Variants in TRARG1 observed in about 807,000 individuals in gnomAD.
The protein encoded by TRARG1 is trafficking regulator of GLUT4 1.
A neutral mutation model predicts 13.3 loss-of-function variants in TRARG1; 16 were observed. That is an observed-to-expected ratio of 1.20 (90% CI 0.81 to 1.83). TRARG1 has a LOEUF of 1.83. TRARG1 is among the 40% of genes most tolerant of loss of function. The pLI, the probability that TRARG1 is intolerant of heterozygous loss-of-function variation, is 0.00. For synonymous variants in TRARG1, 113 were observed against 106.2 expected, an observed-to-expected ratio of 1.06 and a Z score of -0.39; for missense variants, 250 against 237.4, an observed-to-expected ratio of 1.05 and a Z score of -0.35.
At chr17:1,293,232 C>G (rs113689916) in intron 1 of TRARG1, among the ~76,000 whole-genome samples, 1 of 142,362 alleles carries the variant, frequency 7.0e-6, no homozygotes, top group Admixed American at 7.5e-5. Context: ...TGCAGTGAAC[C>G]GAGATTGCGC....
In TRARG1 at chr17:1,300,231, G is replaced by C. The variant is rs1464918693; in HGVS notation, c.*1967G>C. The stretch of plus-strand genomic sequence containing the variant: ...GGTCGATGGAACTGGCCACGCACAG[G>C]CTCTGGCTCTGGAAGGAGGGATGAT... On this transcript the variant is annotated 3_prime_UTR_variant, in exon 3 of 3. Coordinates refer to ENST00000333813, the MANE Select transcript of TRARG1 (RefSeq NM_172367.3). The C allele has an allele frequency of 1.3e-5, 2 of 152,310 alleles. No homozygotes were observed. The highest frequency in any genetic ancestry group is 1.9e-4 in the East Asian group (1 of 5,196). The allele number at this position is 152,310 out of a possible 1,614,324, so 9.4% of individuals were successfully genotyped here.
At chr17:1,285,426 G>A (rs569845361) in intron 1 of TRARG1, among the ~76,000 whole-genome samples, 2 of 148,440 alleles carry the variant, frequency 1.3e-5, no homozygotes, top group Non-Finnish European at 3.0e-5. Flanking sequence ...ATTAAAGAGG[G>A]CTGGGCTCAG....
intron 1 of TRARG1, among the ~76,000 whole-genome samples, chr17:1,288,399 A>AG (rs2072040424): frequency 1.0e-4 from 2 of 19,260 alleles, no homozygotes; most frequent in Non-Finnish European, 1.6e-4. Flanking sequence ...CATCCCCCAC[A>AG]GGTTCCCCAA....
intron 1 of TRARG1, among the ~76,000 whole-genome samples, chr17:1,282,305 C>CAT (rs757719241): frequency 0.011 from 1,716 of 149,658 alleles, 30 homozygotes; most frequent in Middle Eastern, 0.035. Context: ...CGTATATGTA[C>CAT]ATATGCGTAT....
At position 1,282,015 on chromosome 17, in the gene TRARG1, CATAT is replaced by C. The variant is rs1222505887; in HGVS notation, c.387+1629_387+1632del. Among the ~76,000 whole-genome samples the C allele has an allele frequency of 4.9e-3, 728 of 147,252 alleles. 11 individuals carry two copies. The highest frequency in any genetic ancestry group is 0.017 in the African/African-American group (687 of 40,382). On this transcript the variant is annotated intron_variant, in intron 1 of 2. Coordinates refer to ENST00000333813, the MANE Select transcript of TRARG1 (RefSeq NM_172367.3). ...ATATATACAGATATACACATATGTA[CATAT>C]ACATATGTACATATATACACACATA... is the stretch of plus-strand genomic sequence containing the variant.
intron 1 of TRARG1, among the ~76,000 whole-genome samples, chr17:1,281,973 C>T (rs8080198): frequency 0.56 from 85,184 of 151,338 alleles, 24,760 homozygotes; most frequent in East Asian, 0.71. Flanking sequence ...TATATGCACA[C>T]GTGTACATAT....
chr17:1,281,074 G>C (rs1355173493), intron 1 of TRARG1, among the ~76,000 whole-genome samples: 1 of 152,190 alleles, frequency 6.6e-6, no homozygotes, highest in African/African-American at 2.4e-5. Context: ...GAGTCAGAGG[G>C]CATGGCCTGC....
At chr17:1,281,029 G>T (rs1456567947) in intron 1 of TRARG1, among the ~76,000 whole-genome samples, 2 of 152,232 alleles carry the variant, frequency 1.3e-5, no homozygotes, top group African/African-American at 4.8e-5. Context: ...CGTCTTCAGG[G>T]CAGGGGAGGT....
At chr17:1,289,941 C>T (rs1168743717) in intron 1 of TRARG1, among the ~76,000 whole-genome samples, 1 of 151,904 alleles carries the variant, frequency 6.6e-6, no homozygotes, top group Non-Finnish European at 1.5e-5. Context: ...GAGTCACGTT[C>T]CTCCCAGCAC....
In TRARG1 at chr17:1,298,331, C is replaced by T. The variant is rs1397885264; in HGVS notation, c.*67C>T. On this transcript the variant is annotated 3_prime_UTR_variant, in exon 3 of 3. Coordinates refer to ENST00000333813, the MANE Select transcript of TRARG1 (RefSeq NM_172367.3). Reference sequence around the variant, plus strand: ...ATCGGGAGAGCTCTGACCTGCACACCGCGGGAGGCCAGGGTGCTGACTGTC... The same window carrying T: ...ATCGGGAGAGCTCTGACCTGCACACTGCGGGAGGCCAGGGTGCTGACTGTC... 3.8e-6 allele frequency: 6 copies of T among 1,569,706 alleles called. No homozygotes were observed. Among genetic ancestry groups the T allele is most frequent in the East Asian group, 4.5e-5 (2 of 44,192 alleles).
chr17:1,284,295 G>A (rs1042633246), intron 1 of TRARG1, among the ~76,000 whole-genome samples: 2 of 152,222 alleles, frequency 1.3e-5, no homozygotes, highest in Non-Finnish European at 2.9e-5. Flanking sequence ...TGAGGCCTGT[G>A]TTCCTGGCCT....
At chr17:1,296,582 G>C (rs1045640595) in intron 2 of TRARG1, among the ~76,000 whole-genome samples, 23 of 150,050 alleles carry the variant, frequency 1.5e-4, no homozygotes, top group Non-Finnish European at 3.0e-4. Context: ...CATGATCTCA[G>C]CTCACTGCAA....
intron 1 of TRARG1, among the ~76,000 whole-genome samples, chr17:1,284,278 T>C (rs1334225313): frequency 6.6e-6 from 1 of 152,232 alleles, no homozygotes; most frequent in Non-Finnish European, 1.5e-5. Flanking sequence ...AATGGAATCA[T>C]ACAGTATGAG....
chr17:1,287,086 A>T (rs2072030504), intron 1 of TRARG1, among the ~76,000 whole-genome samples: 1 of 151,862 alleles, frequency 6.6e-6, no homozygotes, highest in Admixed American at 6.6e-5. Flanking sequence ...GACTTGGAAG[A>T]GAAAAGGGGC....
intron 1 of TRARG1, among the ~76,000 whole-genome samples, chr17:1,292,758 G>A (rs543143214): frequency 1.4e-4 from 22 of 152,242 alleles, no homozygotes; most frequent in African/African-American, 4.6e-4. Context: ...AGTTCTCCTG[G>A]TATCAAGTGC....
chr17:1,284,314 T>C (rs969099199), intron 1 of TRARG1, among the ~76,000 whole-genome samples: 1 of 152,178 alleles, frequency 6.6e-6, no homozygotes, highest in Admixed American at 6.5e-5. Flanking sequence ...CTCGTTCACT[T>C]TGCATGTCGT....
At chr17:1,292,811 T>C (rs528459086) in intron 1 of TRARG1, among the ~76,000 whole-genome samples, 3 of 152,324 alleles carry the variant, frequency 2.0e-5, no homozygotes, top group African/African-American at 7.2e-5. Flanking sequence ...ATTTTTACCT[T>C]TCTTCGTGTG....
intron 1 of TRARG1, among the ~76,000 whole-genome samples, chr17:1,285,390 A>G (rs1430891782): frequency 6.9e-6 from 1 of 145,026 alleles, no homozygotes; most frequent in South Asian, 2.2e-4. Context: ...CAGCCTGGGC[A>G]ATAGAGCAAG....
chr17:1,295,619 C>T lies in TRARG1; in HGVS notation c.516C>T (p.Phe172=), dbSNP rs559818673. ...TCATGGTGGCCGTGACCGTCAACTT[C>T]ACAGGTGAGACCCAGCTCCTTGGAG... ...VIIMVAVTVN[F]TVQKK is the part of the protein sequence containing the mutation. Residue 172 remains phenylalanine, a synonymous_variant, in exon 2 of 3, where the codon TTC becomes TTT. Coordinates refer to ENST00000333813, the MANE Select transcript of TRARG1 (RefSeq NM_172367.3). The T allele has an allele frequency of 1.2e-6, 2 of 1,610,958 alleles. No individual in the cohort carries two copies. Among genetic ancestry groups the T allele is most frequent in the Admixed American group, 1.7e-5 (1 of 59,824 alleles).
Sources: gnomAD v4.1 joint callset for allele counts (sites outside exome capture counted in the v4.1 genomes callset) on GRCh38, gnomAD v4.1.1 for gene constraint, MANE v1.5 for transcripts, NCBI Gene and HGNC (gene_info 2026-07-23, HGNC 2026-07-21) for gene names.